The following PRKAR2A variants were observed in gnomAD, a reference collection of about 807,000 sequenced individuals.
PRKAR2A encodes the protein cAMP-dependent protein kinase type II-alpha regulatory subunit.
In PRKAR2A, 29 loss-of-function variants were observed where a neutral mutation model predicts 51.9. The observed-to-expected ratio is 0.56, with a 90% CI of 0.42 to 0.76. The LOEUF (loss-of-function observed/expected upper bound fraction) is 0.76, where lower values mean the gene tolerates loss of function less well. Among genes scored for constraint, PRKAR2A ranks in the 30% least tolerant of loss-of-function variants. The probability of loss-of-function intolerance (pLI) is 0.00; values close to 1 mark genes in which losing one functional copy is unlikely to be tolerated. For missense variants in PRKAR2A, 445 were observed against 512.1 expected (o/e 0.87, Z 1.26); for synonymous variants, 178 against 186.2 (o/e 0.96, Z 0.36).
intron 3 of PRKAR2A, among the ~76,000 whole-genome samples, chr3:48,791,984 TCA>T (rs751249902): frequency 6.6e-6 from 1 of 151,316 alleles, no homozygotes; most frequent in South Asian, 2.1e-4. Flanking sequence ...AAAAACTGTT[TCA>T]CAGTCATCAA....
At chr3:48,843,282 C>T (rs1007255476) in intron 1 of PRKAR2A, among the ~76,000 whole-genome samples, 1 of 151,960 alleles carries the variant, frequency 6.6e-6, no homozygotes, top group African/African-American at 2.4e-5. Context: ...TTTATTGCGT[C>T]TATTTGATTC....
At chr3:48,745,775 G>A (rs1481794066), downstream of PRKAR2A, among the ~76,000 whole-genome samples, 2 of 152,078 alleles carry the variant, frequency 1.3e-5, no homozygotes, top group African/African-American at 2.4e-5. Flanking sequence ...CTGACCTCAG[G>A]TGATCCGCCC....
At chr3:48,813,907 T>C (rs1214410801) in intron 1 of PRKAR2A, among the ~76,000 whole-genome samples, 1 of 152,014 alleles carries the variant, frequency 6.6e-6, no homozygotes, top group Non-Finnish European at 1.5e-5. Flanking sequence ...GTGGATCACC[T>C]GAGGTCAGGA....
intron 4 of PRKAR2A, among the ~76,000 whole-genome samples, chr3:48,786,362 T>G (rs1029847807): frequency 2.0e-5 from 3 of 150,560 alleles, no homozygotes; most frequent in African/African-American, 7.3e-5. Flanking sequence ...TGACTTCAGG[T>G]GATCTGCCCG....
chr3:48,757,528 C>T (rs1251207930), intron 8 of PRKAR2A, among the ~76,000 whole-genome samples: 1 of 152,118 alleles, frequency 6.6e-6, no homozygotes, highest in Non-Finnish European at 1.5e-5. Flanking sequence ...TTATTTTAGT[C>T]CATATTGTTA....
intron 5 of PRKAR2A, among the ~76,000 whole-genome samples, chr3:48,777,694 C>T (rs994892727): frequency 4.6e-5 from 7 of 151,814 alleles, no homozygotes; most frequent in Non-Finnish European, 7.4e-5. Context: ...TGTGAGGCAC[C>T]GCGCCAGGCC....
chr3:48,824,542 T>TAAGA (rs200913812), intron 1 of PRKAR2A, among the ~76,000 whole-genome samples: 1,696 of 123,942 alleles, frequency 0.014, 21 homozygotes, highest in Non-Finnish European at 0.017. Context: ...TCCAAAATCA[T>TAAGA]AAGAAAGAAA....
intron 5 of PRKAR2A, among the ~76,000 whole-genome samples, chr3:48,774,260 T>C (rs2107262168): frequency 6.6e-6 from 1 of 152,302 alleles, no homozygotes; most frequent in East Asian, 1.9e-4. Context: ...ACCTTGGATA[T>C]ATGTCCTTTC....
At chr3:48,834,936 C>G (rs2083256106) in intron 1 of PRKAR2A, among the ~76,000 whole-genome samples, 1 of 151,512 alleles carries the variant, frequency 6.6e-6, no homozygotes, top group Non-Finnish European at 1.5e-5. Flanking sequence ...TCACAAATTC[C>G]CAGCACTTTG....
At position 48,820,781 on chromosome 3, in the gene PRKAR2A, G is replaced by A. The variant is rs183636398; in HGVS notation, c.263-13097C>T. On this transcript the variant is annotated intron_variant, in intron 1 of 10. Transcript: ENST00000265563. ...GTTCAGCAGAGAAACAAGAAGGGGA[G>A]GACAGCATTCCAGGCAGAAGGGAAG... Among the ~76,000 whole-genome samples the A allele has an allele frequency of 1.9e-3, 288 of 152,234 alleles. 3 individuals carry two copies. Among genetic ancestry groups the A allele is most frequent in the African/African-American group, 6.4e-3 (264 of 41,546 alleles).
intron 5 of PRKAR2A, among the ~76,000 whole-genome samples, chr3:48,773,340 T>C (rs35499167): frequency 1.7e-4 from 3 of 17,536 alleles, no homozygotes; most frequent in Non-Finnish European, 2.6e-4. Context: ...TTTTCTTTTC[T>C]TTTTTTTTTT....
At chr3:48,769,447 G>A (rs1035732898) in intron 6 of PRKAR2A, among the ~76,000 whole-genome samples, 1 of 150,604 alleles carries the variant, frequency 6.6e-6, no homozygotes, top group African/African-American at 2.4e-5. Flanking sequence ...GTGAGCCACT[G>A]TGCCCGACCA....
chr3:48,774,752 T>A (rs914923050), intron 5 of PRKAR2A, among the ~76,000 whole-genome samples: 1 of 152,130 alleles, frequency 6.6e-6, no homozygotes, highest in Non-Finnish European at 1.5e-5. Context: ...TGACATGACT[T>A]CTTTCTTTTT....
intron 2 of PRKAR2A, among the ~76,000 whole-genome samples, chr3:48,798,109 C>T (rs1184131077): frequency 2.6e-5 from 4 of 152,066 alleles, no homozygotes; most frequent in African/African-American, 9.7e-5. Context: ...CCCGCCACCA[C>T]ACCCAGCTAA....
At chr3:48,779,821 AAATAAAT>A (rs1312853203) in intron 5 of PRKAR2A, among the ~76,000 whole-genome samples, 36 of 147,058 alleles carry the variant, frequency 2.4e-4, no homozygotes, top group Middle Eastern at 3.6e-3. Context: ...ATAAATAAAT[AAATAAAT>A]AAAATATATA....
chr3:48,755,810 G>A lies in PRKAR2A; in HGVS notation c.939+569C>T, dbSNP rs545914853. 1.4e-3 allele frequency among the ~76,000 whole-genome samples: 192 copies of A among 133,350 alleles called. 1 individual carries two copies. The highest frequency in any genetic ancestry group is 2.5e-3 in the Non-Finnish European group (157 of 63,976). The allele number at this position is 133,350 out of a possible 152,430, so 87.5% of individuals were successfully genotyped here. On this transcript the variant is annotated intron_variant, in intron 9 of 10. Coordinates refer to ENST00000265563, the MANE Select transcript of PRKAR2A (RefSeq NM_004157.4). ...TTTTTTTTTTTTTTGACGGAGTCTC[G>A]CTCTGTCGCCCAGGCTGGAGTGCAG...
intron 1 of PRKAR2A, among the ~76,000 whole-genome samples, chr3:48,825,404 C>G (rs978824689): frequency 2.0e-5 from 3 of 152,176 alleles, no homozygotes; most frequent in Admixed American, 6.6e-5. Context: ...CTGCATCACA[C>G]TAAGGACTCT....
rs1344764883 is a variant in PRKAR2A at position 48,747,017 on chromosome 3, A to C, written c.*4568T>G. On this transcript the variant is annotated 3_prime_UTR_variant, in exon 11 of 11. Transcript: ENST00000265563. Reference sequence around the variant, plus strand: ...TAAATGGTTTTACGCAAACCCCTCCATGAGGTTAGTGACAGTTCTTGTCCT... The same window carrying C: ...TAAATGGTTTTACGCAAACCCCTCCCTGAGGTTAGTGACAGTTCTTGTCCT... 2 of 141,818 alleles carry C rather than the reference A, an allele frequency of 1.4e-5. No homozygotes were observed. Among genetic ancestry groups the C allele is most frequent in the Non-Finnish European group, 3.1e-5 (2 of 65,462 alleles). 8.8% of individuals were successfully genotyped at this position (141,818 alleles called of 1,614,324 possible). A position where few individuals can be genotyped will look rare whatever the true frequency, so the allele number is the denominator to read the frequency against.
intron 1 of PRKAR2A, among the ~76,000 whole-genome samples, chr3:48,822,094 C>T (rs1483952827): frequency 6.6e-6 from 1 of 151,126 alleles, no homozygotes; most frequent in Non-Finnish European, 1.5e-5. Flanking sequence ...GCCCGTAATC[C>T]CAGCTACTCA....
Sources: allele counts gnomAD v4.1 joint callset (sites outside exome capture counted in the v4.1 genomes callset), GRCh38; gene constraint gnomAD v4.1.1; transcripts MANE v1.5; gene names NCBI Gene and HGNC (gene_info 2026-07-23, HGNC 2026-07-21).